The following TNR variants were observed in gnomAD, a reference collection of about 807,000 sequenced individuals.
TNR encodes tenascin-R.
A neutral mutation model predicts 150.4 loss-of-function variants in TNR; 45 were observed. The ratio of observed to expected loss-of-function variants is 0.30; its 90% CI spans 0.24 to 0.38. TNR has a LOEUF of 0.38. TNR is among the 10% of genes least tolerant of loss of function. The pLI, the probability that TNR is intolerant of heterozygous loss-of-function variation, is 1.00. For missense variants in TNR, 1,544 were observed against 1,759.1 expected, an observed-to-expected ratio of 0.88 and a Z score of 2.19; for synonymous variants, 687 against 678.4, an observed-to-expected ratio of 1.01 and a Z score of -0.20.
intron 2 of TNR, among the ~76,000 whole-genome samples, chr1:175,515,007 C>G (rs906545451): frequency 6.6e-6 from 1 of 152,192 alleles, no homozygotes; most frequent in Admixed American, 6.5e-5. Context: ...GATGGTGTCA[C>G]TTACTGTGGG....
At chr1:175,472,593 G>T (rs780545438) in intron 2 of TNR, among the ~76,000 whole-genome samples, 2 of 152,174 alleles carry the variant, frequency 1.3e-5, no homozygotes, top group African/African-American at 2.4e-5. Flanking sequence ...TAGAGGATAG[G>T]AATTTTTCAG....
At chr1:175,517,974 C>T (rs1659482798) in intron 2 of TNR, among the ~76,000 whole-genome samples, 1 of 152,150 alleles carries the variant, frequency 6.6e-6, no homozygotes, top group South Asian at 2.1e-4. Context: ...TAGACAAGCA[C>T]AAGAAAGAAC....
At chr1:175,403,655 C>G in intron 3 of TNR, 39 bp from the exon 4 acceptor site, 2 of 1,536,574 alleles carry the variant, frequency 1.3e-6, no homozygotes, top group Non-Finnish European at 1.8e-6. Flanking sequence ...GCAGCAGTGG[C>G]CTCTCCTGTC....
intron 2 of TNR, 123 bp from the exon 3 acceptor site, chr1:175,406,900 A>C: frequency 2.9e-6 from 2 of 693,000 alleles, no homozygotes; most frequent in Non-Finnish European, 2.4e-6. Flanking sequence ...GGCGTCAGGA[A>C]GGGACAGTGG....
chr1:175,525,080 C>T (rs561570090), intron 2 of TNR, among the ~76,000 whole-genome samples: 20 of 152,250 alleles, frequency 1.3e-4, no homozygotes, highest in South Asian at 6.2e-4. Flanking sequence ...ATCATGTGGG[C>T]GGTTACCTCT....
At chr1:175,657,205 C>G (rs1431333086) in intron 1 of TNR, among the ~76,000 whole-genome samples, 1 of 152,112 alleles carries the variant, frequency 6.6e-6, no homozygotes, top group East Asian at 1.9e-4. Context: ...AAATGCAAAT[C>G]AAAACCATAA....
At chr1:175,448,755 A>G (rs1052023440) in intron 2 of TNR, among the ~76,000 whole-genome samples, 2 of 152,222 alleles carry the variant, frequency 1.3e-5, no homozygotes, top group Non-Finnish European at 2.9e-5. Flanking sequence ...CGTGACCACT[A>G]GAAGTCCACC....
chr1:175,480,914 A>T (rs1037415114), intron 2 of TNR, among the ~76,000 whole-genome samples: 3 of 152,152 alleles, frequency 2.0e-5, no homozygotes, highest in Non-Finnish European at 4.4e-5. Context: ...ATTAATTAAA[A>T]CTTACATGGT....
chr1:175,626,264 C>G (rs1664155493), intron 1 of TNR, among the ~76,000 whole-genome samples: 1 of 152,138 alleles, frequency 6.6e-6, no homozygotes, highest in Admixed American at 6.5e-5. Context: ...TGTTCGTCTT[C>G]CCTCTCTTCT....
chr1:175,709,293 T>TCACACACACACACA (rs201842928), intron 1 of TNR, among the ~76,000 whole-genome samples: 3 of 135,232 alleles, frequency 2.2e-5, no homozygotes, highest in African/African-American at 5.8e-5. Context: ...TCCCTTGCTT[T>TCACACACACACACA]CACACACACA....
chr1:175,569,672 A>G (rs919884036), intron 1 of TNR, among the ~76,000 whole-genome samples: 1 of 152,222 alleles, frequency 6.6e-6, no homozygotes, highest in Non-Finnish European at 1.5e-5. Flanking sequence ...ATAGCACACC[A>G]TGGCTGAGCT....
chr1:175,552,893 C>T (rs528282161), intron 1 of TNR, among the ~76,000 whole-genome samples: 1 of 152,226 alleles, frequency 6.6e-6, no homozygotes, highest in South Asian at 2.1e-4. Context: ...TCAGATAAAC[C>T]GTGAGTATAG....
intron 1 of TNR, among the ~76,000 whole-genome samples, chr1:175,603,958 T>C (rs1210358629): frequency 6.6e-6 from 1 of 152,210 alleles, no homozygotes; most frequent in Non-Finnish European, 1.5e-5. Context: ...CAGTATTTTA[T>C]TTTCAAGTAA....
At chr1:175,729,106 T>C (rs1188665287) in intron 1 of TNR, among the ~76,000 whole-genome samples, 2 of 152,172 alleles carry the variant, frequency 1.3e-5, no homozygotes, top group Non-Finnish European at 2.9e-5. Flanking sequence ...TCATATCCTA[T>C]GTGTGGCTAT....
At chr1:175,336,267 A>G (rs976749304) in intron 19 of TNR, among the ~76,000 whole-genome samples, 102 of 152,360 alleles carry the variant, frequency 6.7e-4, no homozygotes, top group African/African-American at 2.5e-3. Context: ...CATATCATTC[A>G]CTTTCTGAGC....
chr1:175,331,488 C>T (rs1649929429), intron 20 of TNR, among the ~76,000 whole-genome samples: 1 of 152,098 alleles, frequency 6.6e-6, no homozygotes, highest in Non-Finnish European at 1.5e-5. Context: ...TGGTCTCGAT[C>T]TCCTGACCTC....
rs758130431 is a variant in TNR at position 175,365,941 on chromosome 1, T to C, written c.2251A>G (p.Ile751Val). The change falls in exon 11 of 23, where the codon ATC becomes GTC. Residue 751 changes from isoleucine (I) to valine (V), a missense_variant. This residue lies in a region of TNR where 1,254 missense variants were observed against 1,329.4 expected (regional missense o/e 0.94). Coordinates refer to ENST00000367674, the MANE Select transcript of TNR (RefSeq NM_003285.3). The stretch of plus-strand genomic sequence containing the variant: ...CCCCTCTCAGCAGTGACGGAAATGA[T>C]GTACTCTGCCCCAGGCTCTAGATCT... ...LTDLEPGAEY[I>V]ISVTAERGRQ... 22 of 1,613,980 alleles carry C rather than the reference T, an allele frequency of 1.4e-5. No homozygotes were observed.
chr1:175,614,773 G>A (rs1381256163), intron 1 of TNR, among the ~76,000 whole-genome samples: 4 of 152,138 alleles, frequency 2.6e-5, no homozygotes, highest in Admixed American at 2.6e-4. Context: ...TGTAACCAGG[G>A]GCTCCTTGGG....
chr1:175,344,374 T>C (rs1456436453), intron 18 of TNR, among the ~76,000 whole-genome samples: 1 of 152,212 alleles, frequency 6.6e-6, no homozygotes, highest in Non-Finnish European at 1.5e-5. Context: ...TTGACACTAA[T>C]TGGCCTTAGG....
Sources: gnomAD v4.1 joint callset for allele counts (sites outside exome capture counted in the v4.1 genomes callset) on GRCh38, gnomAD v4.1.1 for gene constraint, gnomAD v4.1.1 regional missense constraint, MANE v1.5 for transcripts, NCBI Gene and HGNC (gene_info 2026-07-23, HGNC 2026-07-21) for gene names.